Variants in GSTA2 observed in about 807,000 individuals in gnomAD.
GSTA2 encodes the protein glutathione S-transferase alpha 2.
In GSTA2, 27 loss-of-function variants were observed where a neutral mutation model predicts 22.4. The ratio of observed to expected loss-of-function variants is 1.21; its 90% confidence interval spans 0.89 to 1.67. The LOEUF is 1.67. Among genes scored for constraint, GSTA2 ranks in the 40% most tolerant of loss-of-function variants. The pLI is 0.00. For missense variants in GSTA2, 302 were observed against 260.2 expected (o/e 1.16, Z -1.11); for synonymous variants, 121 against 86.8 (o/e 1.39, Z -2.19).
Position 52,751,506 on chromosome 6 carries a change from C to T in GSTA2, c.546+71G>A, listed in dbSNP as rs559899672. 2.0e-5 allele frequency: 32 copies of T among 1,609,522 alleles called. No individual in the cohort carries two copies. In the African/African-American group the frequency reaches 2.8e-4, roughly 14 times the overall value. ...GCTGGGGTCAAAACATGCTCAGTCC[C>T]AGGGCCCAGATACAAGATCCCAAGA... is the stretch of plus-strand genomic sequence containing the variant. On this transcript the variant is annotated intron_variant, in intron 6 of 6. Coordinates refer to ENST00000493422, the MANE Select transcript of GSTA2 (RefSeq NM_000846.5).
rs756524086 is a variant in GSTA2, at chr6:52,750,598, T to C, written c.648A>G (p.Ser216=). ...PPMDEKSLEE[S]RKIFRF ...TTTATTAAAACCTGAAAATCTTCCT[T>C]GATTCTTCTAAAGATTTCTCATCCA... The change falls in exon 7 of 7, where the codon TCA becomes TCG. Residue 216 remains serine (S), a synonymous_variant. Transcript: ENST00000493422. 6.2e-7 allele frequency: 1 copy of C among 1,613,932 alleles called. No individual in the cohort carries two copies. Among genetic ancestry groups the C allele is most frequent in the Non-Finnish European group, 8.5e-7 (1 of 1,179,846 alleles).
intron 5 of GSTA2, among the ~76,000 whole-genome samples, chr6:52,752,231 C>G (rs1581771348): frequency 6.6e-6 from 1 of 152,286 alleles, no homozygotes; most frequent in South Asian, 2.1e-4. Flanking sequence ...CCTGGGTGAA[C>G]CTGAATTCAT....
At position 52,763,462 on chromosome 6, in the gene GSTA2, C is replaced by T. The variant is rs990250616; in HGVS notation, c.-49G>A. ...TACTTACTTTGTTAAATGCTGTCACCTTTGTGGCTGGACAACCGAATTCCA... is the reference window on the plus strand; with the variant it reads ...TACTTACTTTGTTAAATGCTGTCACTTTTGTGGCTGGACAACCGAATTCCA... On this transcript the variant is annotated 5_prime_UTR_variant, in exon 1 of 7. Transcript: ENST00000493422. The T allele has an allele frequency of 5.8e-5, 11 of 188,826 alleles. No individual in the cohort carries two copies. Among genetic ancestry groups the T allele is most frequent in the Non-Finnish European group, 3.3e-5 (3 of 89,774 alleles). The allele number at this position is 188,826 out of a possible 1,614,324, so 11.7% of individuals were successfully genotyped here. A position where few individuals can be genotyped will look rare whatever the true frequency, so the allele number is the denominator to read the frequency against.
At position 52,757,958 on chromosome 6, in the gene GSTA2, T is replaced by C; in HGVS notation, c.-11A>G. 6.3e-7 allele frequency: 1 copy of C among 1,598,720 alleles called. No individual in the cohort carries two copies. Among genetic ancestry groups the C allele is most frequent in the Non-Finnish European group, 8.6e-7 (1 of 1,166,502 alleles). On this transcript the variant is annotated 5_prime_UTR_variant, in exon 2 of 7. Coordinates refer to ENST00000493422, the MANE Select transcript of GSTA2 (RefSeq NM_000846.5). ...GGGCTTCTCTGCCATGGTAGCAGTC[T>C]CCTGGAGGTTTCTCTAAGCCTGAGT...
chr6:52,756,251 A>G lies in GSTA2; in HGVS notation c.139+7T>C, dbSNP rs556726798. On this transcript the variant is annotated splice_region_variant and intron_variant, in intron 3 of 6. Coordinates refer to ENST00000493422, the MANE Select transcript of GSTA2 (RefSeq NM_000846.5). ...CCTCATTAGAGAAACTTAGAGGTTG[A>G]TCTTACCATTTCTTAACTTGTCCAA... 7.5e-6 allele frequency: 12 copies of G among 1,599,530 alleles called. No homozygotes were observed. The highest frequency in any genetic ancestry group is 1.7e-4 in the Middle Eastern group (1 of 6,012).
At chr6:52,758,817 A>G (rs1762897996) in intron 1 of GSTA2, among the ~76,000 whole-genome samples, 1 of 152,214 alleles carries the variant, frequency 6.6e-6, no homozygotes, top group Non-Finnish European at 1.5e-5. Flanking sequence ...GGAAGGAGCT[A>G]GCATTTGTTC....
At chr6:52,756,331 A>G in intron 2 of GSTA2, 22 bp from the exon 3 acceptor site, 3 of 1,573,396 alleles carry the variant, frequency 1.9e-6, no homozygotes, top group East Asian at 4.5e-5. Flanking sequence ...AACAGTAAAT[A>G]TGTTCTTGTT....
At chr6:52,756,355 A>G (rs1314495913) in intron 2 of GSTA2, 46 bp from the exon 3 acceptor site, 1 of 1,445,514 alleles carries the variant, frequency 6.9e-7, no homozygotes, top group African/African-American at 1.4e-5. Flanking sequence ...TCATTCTATT[A>G]TAGACCTGTG....
chr6:52,757,925 T>A lies in GSTA2; in HGVS notation c.23A>T (p.His8Leu), dbSNP rs770775412. 26 of 1,613,480 alleles carry A rather than the reference T, an allele frequency of 1.6e-5. No homozygotes were observed. The highest frequency in any genetic ancestry group is 2.1e-5 in the Non-Finnish European group (25 of 1,179,640). ...CATTCTGCCCCGTATATTGGAGTAG[T>A]GGAGCTTGGGCTTCTCTGCCATGGT... Reference protein sequence around the residue: MAEKPKLHYSNIRGRMES... With the variant: MAEKPKLLYSNIRGRMES... Residue 8 changes from histidine to leucine, a missense_variant, in exon 2 of 7, where the codon CAC becomes CTC. By Grantham distance (99) the His-to-Leu change is moderately conservative. Coordinates refer to ENST00000493422, the MANE Select transcript of GSTA2 (RefSeq NM_000846.5).
At chr6:52,750,933 C>G (rs113668604) in intron 6 of GSTA2, among the ~76,000 whole-genome samples, 1 of 152,312 alleles carries the variant, frequency 6.6e-6, no homozygotes, top group Admixed American at 6.5e-5. Context: ...TCATCCCTAT[C>G]TTTCTTCTTA....
chr6:52,755,683 A>G (rs1762828594), intron 3 of GSTA2, among the ~76,000 whole-genome samples: 1 of 151,950 alleles, frequency 6.6e-6, no homozygotes, highest in Non-Finnish European at 1.5e-5. Flanking sequence ...AGAGGTTGGG[A>G]CAAGTTACAA....
In GSTA2 at chr6:52,756,243, A is replaced by G. The variant is rs1762841912; in HGVS notation, c.139+15T>C. 2 of 1,589,124 alleles carry G rather than the reference A, an allele frequency of 1.3e-6. No homozygotes were observed. Among genetic ancestry groups the G allele is most frequent in the Non-Finnish European group, 1.7e-6 (2 of 1,157,930 alleles). On this transcript the variant is annotated intron_variant, in intron 3 of 6. Coordinates refer to ENST00000493422, the MANE Select transcript of GSTA2 (RefSeq NM_000846.5). ...CTAGATACCCTCATTAGAGAAACTT[A>G]GAGGTTGATCTTACCATTTCTTAAC... is the stretch of plus-strand genomic sequence containing the variant.
chr6:52,758,525 G>A (rs1762890675), intron 1 of GSTA2, among the ~76,000 whole-genome samples: 2 of 152,174 alleles, frequency 1.3e-5, no homozygotes, highest in South Asian at 4.1e-4. Flanking sequence ...TGAAGGCCCT[G>A]GGAACCCATG....
At position 52,752,923 on chromosome 6, in the gene GSTA2, C is replaced by T. The variant is rs1164235361; in HGVS notation, c.345G>A (p.Glu115=). 3 of 1,613,922 alleles carry T rather than the reference C, an allele frequency of 1.9e-6. No homozygotes were observed. The highest frequency in any genetic ancestry group is 4.5e-5 in the East Asian group (2 of 44,886). ...MILLLPFSQP[E]EQDAKLALIQ... The stretch of plus-strand genomic sequence containing the variant: ...TCAAGGCAAGCTTGGCATCTTGTTC[C>T]TCAGGTTGACTAAAGGGCAGAAGAA... Residue 115 remains glutamate (E), a synonymous_variant, in exon 5 of 7, where the codon GAG becomes GAA. Coordinates refer to ENST00000493422, the MANE Select transcript of GSTA2 (RefSeq NM_000846.5).
intron 3 of GSTA2, among the ~76,000 whole-genome samples, chr6:52,756,032 G>A (rs1245144142): frequency 1.3e-5 from 2 of 152,092 alleles, no homozygotes; most frequent in African/African-American, 2.4e-5. Flanking sequence ...TCAGGGGTGG[G>A]AGATTGTTCC....
At chr6:52,759,579 T>TTTA (rs1561897448) in intron 1 of GSTA2, among the ~76,000 whole-genome samples, 1 of 119,940 alleles carries the variant, frequency 8.3e-6, no homozygotes, top group Non-Finnish European at 1.7e-5. Flanking sequence ...TTTTTTTTTT[T>TTTA]TTTTTTTTTT....
intron 1 of GSTA2, among the ~76,000 whole-genome samples, chr6:52,762,582 C>T (rs1378017148): frequency 6.6e-6 from 1 of 152,200 alleles, no homozygotes; most frequent in Non-Finnish European, 1.5e-5. Flanking sequence ...ATTGTCCTGC[C>T]ACATCCCCCT....
At chr6:52,754,066 A>T (rs1479620385) in intron 4 of GSTA2, among the ~76,000 whole-genome samples, 1 of 152,168 alleles carries the variant, frequency 6.6e-6, no homozygotes, top group Non-Finnish European at 1.5e-5. Flanking sequence ...ATTCCTTTTC[A>T]TGACCAAATA....
At chr6:52,753,086 T>C (rs1762775779) in intron 4 of GSTA2, 91 bp from the exon 5 acceptor site, 2 of 1,286,684 alleles carry the variant, frequency 1.6e-6, no homozygotes, top group Admixed American at 4.7e-5. Flanking sequence ...TATCAGGTGA[T>C]GGCAAAATAA....
Sources: allele counts gnomAD v4.1 joint callset (sites outside exome capture counted in the v4.1 genomes callset), GRCh38; gene constraint gnomAD v4.1.1; transcripts MANE v1.5; gene names NCBI Gene and HGNC (gene_info 2026-07-23, HGNC 2026-07-21).